ETFA: variants seen among roughly 807,000 people sequenced by gnomAD.
The protein encoded by ETFA is electron transfer flavoprotein subunit alpha, mitochondrial.
A neutral mutation model predicts 46.2 loss-of-function variants in ETFA; 22 were observed. That is an observed-to-expected ratio of 0.48 (90% CI 0.34 to 0.68). The LOEUF is 0.68. Among genes scored for constraint, ETFA ranks in the 30% least tolerant of loss-of-function variants. The pLI, the probability that ETFA is intolerant of heterozygous loss-of-function variation, is 0.01. For missense variants in ETFA, 345 were observed against 401.1 expected (o/e 0.86, Z 1.19); for synonymous variants, 131 against 139.9 (o/e 0.94, Z 0.45).
chr15:76,266,572 A>C (rs2039472426), intron 9 of ETFA, among the ~76,000 whole-genome samples: 1 of 152,212 alleles, frequency 6.6e-6, no homozygotes, highest in African/African-American at 2.4e-5. Context: ...TTCAATATCA[A>C]GGAATGAAGT....
At chr15:76,243,270 C>CA (rs139381703) in intron 9 of ETFA, among the ~76,000 whole-genome samples, 38,021 of 139,178 alleles carry the variant, frequency 0.27, 5,501 homozygotes, top group East Asian at 0.57. Context: ...GACTCCATCT[C>CA]AAAAAAAAAA....
chr15:76,290,491 T>C (rs899279668), intron 4 of ETFA, among the ~76,000 whole-genome samples: 7 of 151,966 alleles, frequency 4.6e-5, no homozygotes, highest in South Asian at 2.1e-4. Flanking sequence ...ACCACAGGCA[T>C]GCACCACCAC....
intron 9 of ETFA, among the ~76,000 whole-genome samples, chr15:76,258,427 G>A (rs1357306813): frequency 6.6e-6 from 1 of 152,162 alleles, no homozygotes; most frequent in Non-Finnish European, 1.5e-5. Flanking sequence ...GGCCTAGACA[G>A]GGTACGGAAT....
chr15:76,248,257 T>C (rs116241547), intron 9 of ETFA, among the ~76,000 whole-genome samples: 5,949 of 152,208 alleles, frequency 0.039, 356 homozygotes, highest in African/African-American at 0.13. Flanking sequence ...AAACTTGATA[T>C]GTAAAAGATG....
intron 8 of ETFA, among the ~76,000 whole-genome samples, chr15:76,280,829 C>T (rs376612028): frequency 1.3e-4 from 19 of 150,784 alleles, no homozygotes; most frequent in African/African-American, 4.6e-4. Flanking sequence ...GCTCTGTGCA[C>T]TTTACTAGTT....
intron 9 of ETFA, among the ~76,000 whole-genome samples, chr15:76,272,784 T>C (rs887638462): frequency 2.9e-5 from 4 of 140,148 alleles, no homozygotes; most frequent in Non-Finnish European, 4.5e-5. Context: ...CCAGGTAACA[T>C]AGCAAGACCC....
chr15:76,296,999 T>C (rs2039831740), intron 1 of ETFA, among the ~76,000 whole-genome samples: 1 of 152,236 alleles, frequency 6.6e-6, no homozygotes. Context: ...ATCTTGGAAC[T>C]ATTCTTATGG....
intron 9 of ETFA, chr15:76,258,962 G>A: frequency 6.5e-7 from 1 of 1,543,246 alleles, no homozygotes; most frequent in Non-Finnish European, 8.9e-7. Flanking sequence ...CAGCCAAATT[G>A]CCCTGATGCC....
chr15:76,258,313 G>C (rs1454679423), intron 9 of ETFA, among the ~76,000 whole-genome samples: 1 of 152,062 alleles, frequency 6.6e-6, no homozygotes, highest in Non-Finnish European at 1.5e-5. Context: ...TGCTGGCTCA[G>C]CACGCTGCCT....
intron 1 of ETFA, among the ~76,000 whole-genome samples, chr15:76,297,775 A>G (rs940796724): frequency 9.9e-5 from 15 of 152,240 alleles, no homozygotes; most frequent in African/African-American, 3.6e-4. Flanking sequence ...GATTTTTACT[A>G]AGCATTATAT....
intron 1 of ETFA, among the ~76,000 whole-genome samples, chr15:76,299,967 C>T (rs542649467): frequency 6.6e-6 from 1 of 152,302 alleles, no homozygotes; most frequent in African/African-American, 2.4e-5. Context: ...CACAAACCCA[C>T]ATTCAACTCT....
intron 9 of ETFA, among the ~76,000 whole-genome samples, chr15:76,271,207 G>T (rs1024544723): frequency 1.3e-5 from 2 of 151,792 alleles, no homozygotes; most frequent in African/African-American, 4.8e-5. Flanking sequence ...GGAAAACTGG[G>T]ATATTTACAT....
chr15:76,261,577 T>G, intron 9 of ETFA: 1 of 542,690 alleles, frequency 1.8e-6, no homozygotes, highest in Admixed American at 3.4e-5. Context: ...CAGACCTGCC[T>G]GCAGCTGCGG....
At chr15:76,285,560 T>C in intron 7 of ETFA, 77 bp downstream of exon 7, 1 of 858,222 alleles carries the variant, frequency 1.2e-6, no homozygotes, top group Non-Finnish European at 2.0e-6. Flanking sequence ...TGTGTACTTC[T>C]AAAATAAATA....
chr15:76,217,618 G>A (rs895134228), intron 11 of ETFA: 12 of 455,772 alleles, frequency 2.6e-5, no homozygotes, highest in Non-Finnish European at 4.9e-5. Flanking sequence ...GCTGCAACTG[G>A]AGCTTCCAGT....
At chr15:76,240,659 C>A (rs2039176479) in intron 9 of ETFA, among the ~76,000 whole-genome samples, 2 of 151,946 alleles carry the variant, frequency 1.3e-5, no homozygotes, top group Non-Finnish European at 2.9e-5. Flanking sequence ...CAACCCTTGG[C>A]CTTTCAATGT....
chr15:76,295,039 C>T (rs988198514), intron 2 of ETFA, among the ~76,000 whole-genome samples: 1 of 152,120 alleles, frequency 6.6e-6, no homozygotes, highest in South Asian at 2.1e-4. Flanking sequence ...ATAGACCCTG[C>T]AAATCATATC....
At chr15:76,260,161 G>C (rs970425946) in intron 9 of ETFA, 23 of 1,445,446 alleles carry the variant, frequency 1.6e-5, no homozygotes, top group Non-Finnish European at 2.1e-5. Flanking sequence ...GTGAACTGCT[G>C]CTCTGGGATG....
intron 1 of ETFA, among the ~76,000 whole-genome samples, chr15:76,298,933 C>G (rs2460159): frequency 0.98 from 149,409 of 152,322 alleles, 73,337 homozygotes; most frequent in South Asian, 1. Context: ...TTATTGAAAA[C>G]GTTTTAAAGG....
Sources: allele counts gnomAD v4.1 joint callset (sites outside exome capture counted in the v4.1 genomes callset), GRCh38; gene constraint gnomAD v4.1.1; transcripts MANE v1.5; gene names NCBI Gene and HGNC (gene_info 2026-07-23, HGNC 2026-07-21).